RSPH14: variants seen among roughly 807,000 people sequenced by gnomAD.
RSPH14 encodes the protein rhabdoid tumor deletion region gene 1.
Under a neutral mutation model 26.7 loss-of-function variants are expected in RSPH14, and 20 were observed. The observed-to-expected ratio is 0.75, with a 90% CI of 0.53 to 1.09. The LOEUF is 1.09. Ranked by LOEUF, RSPH14 falls within the 50% of genes least tolerant of loss-of-function variation. The pLI, the probability that RSPH14 is intolerant of heterozygous loss-of-function variation, is 0.00. For missense variants in RSPH14, 449 were observed against 457.2 expected, an observed-to-expected ratio of 0.98 and a Z score of 0.16; for synonymous variants, 177 against 189.3, an observed-to-expected ratio of 0.93 and a Z score of 0.53.
chr22:23,106,402 G>A (rs529856358), intron 4 of RSPH14, among the ~76,000 whole-genome samples: 4 of 152,358 alleles, frequency 2.6e-5, no homozygotes, highest in South Asian at 2.1e-4. Flanking sequence ...AAGCCCAGCT[G>A]AGGCATGAGA....
chr22:23,078,285 G>A (rs543569169), intron 4 of RSPH14, among the ~76,000 whole-genome samples: 3 of 152,288 alleles, frequency 2.0e-5, no homozygotes, highest in Admixed American at 6.5e-5. Flanking sequence ...CTTTGTCCTC[G>A]GCCAAAATCT....
At chr22:23,177,708 G>A in the RSPH14 span, among the ~76,000 whole-genome samples, 2 of 152,184 alleles carry the variant, frequency 1.3e-5, no homozygotes, top group African/African-American at 4.8e-5. Context: ...TGTCCCACAA[G>A]GGAGAAAGCC....
chr22:23,156,029 C>T, the RSPH14 span: 4 of 1,611,744 alleles, frequency 2.5e-6, no homozygotes, highest in Non-Finnish European at 3.4e-6. Context: ...CCGGGGTGCC[C>T]AGGGTGAGCA....
intron 4 of RSPH14, chr22:23,070,506 G>GACGCC (rs1555924131): frequency 6.7e-6 from 1 of 150,306 alleles, no homozygotes; most frequent in Non-Finnish European, 1.5e-5. Flanking sequence ...CCCCGTGCTC[G>GACGCC]CCGCCCCGCC....
At chr22:23,165,691 G>A in the RSPH14 span, among the ~76,000 whole-genome samples, 752 of 152,230 alleles carry the variant, frequency 4.9e-3, 7 homozygotes, top group African/African-American at 0.017. Context: ...CTATTCTTCC[G>A]CTCCCTGCTT....
chr22:23,064,220 T>G (rs2068154794), intron 4 of RSPH14, 87 bp from the exon 5 acceptor site: 2 of 1,249,272 alleles, frequency 1.6e-6, no homozygotes, highest in Admixed American at 1.8e-5. Flanking sequence ...AAGGAGGGTC[T>G]TGCAGAACCA....
chr22:23,163,063 C>T, the RSPH14 span: 1 of 253,518 alleles, frequency 3.9e-6, no homozygotes, highest in South Asian at 4.3e-5. Flanking sequence ...AGGCATGCAC[C>T]ACCATGCCTG....
the RSPH14 span, chr22:23,159,350 C>A: frequency 1.7e-6 from 2 of 1,204,214 alleles, no homozygotes; most frequent in South Asian, 1.5e-5. Context: ...TGTAGCCAGT[C>A]GTCTGTTCCC....
chr22:23,150,055 C>T, the RSPH14 span: 3 of 1,601,210 alleles, frequency 1.9e-6, no homozygotes, highest in East Asian at 6.7e-5. Flanking sequence ...CTGTCTGTCT[C>T]TTTGCAGTGG....
chr22:23,164,532 C>T, the RSPH14 span, among the ~76,000 whole-genome samples: 1 of 152,100 alleles, frequency 6.6e-6, no homozygotes, highest in African/African-American at 2.4e-5. Context: ...GGGTGGTTTG[C>T]GCACCCTCAC....
At chr22:23,110,878 G>T (rs935058330) in intron 4 of RSPH14, among the ~76,000 whole-genome samples, 1 of 152,144 alleles carries the variant, frequency 6.6e-6, no homozygotes, top group African/African-American at 2.4e-5. Flanking sequence ...CGAGCACACG[G>T]GGCAACTCAG....
At chr22:23,078,204 C>G (rs192443339) in intron 4 of RSPH14, among the ~76,000 whole-genome samples, 2 of 152,366 alleles carry the variant, frequency 1.3e-5, no homozygotes, top group Non-Finnish European at 2.9e-5. Context: ...ACATATTTCT[C>G]GATGAAATGC....
chr22:23,154,518 C>T, the RSPH14 span, among the ~76,000 whole-genome samples: 1 of 152,188 alleles, frequency 6.6e-6, no homozygotes, highest in South Asian at 2.1e-4. Context: ...ACTGAGGGAT[C>T]CAGAGAGCTG....
In RSPH14 at chr22:23,126,637, G is replaced by T. The variant is rs147525490; in HGVS notation, c.421+7389C>A. 1.2e-3 allele frequency among the ~76,000 whole-genome samples: 177 copies of T among 152,332 alleles called. 5 individuals carry two copies. The East Asian group carries it at 0.033, about 28-fold the overall frequency. On this transcript the variant is annotated intron_variant, in intron 4 of 6. Coordinates refer to ENST00000216036, the MANE Select transcript of RSPH14 (RefSeq NM_014433.3). ...GAGAAGGCGCATGCTGAGCTGGGAT[G>T]GTCCAGGAGTCTTAGCCAACGGGAG...
chr22:23,111,957 C>A (rs899774448), intron 4 of RSPH14, among the ~76,000 whole-genome samples: 5 of 152,222 alleles, frequency 3.3e-5, no homozygotes, highest in Non-Finnish European at 7.3e-5. Context: ...AGCCAGGGAG[C>A]CTGGTGCCCA....
intron 5 of RSPH14, 123 bp downstream of exon 5, chr22:23,063,779 A>T (rs8139280): frequency 3.6e-6 from 3 of 836,844 alleles, no homozygotes; most frequent in South Asian, 3.3e-5. Context: ...GCTCCCTCCT[A>T]CCCCTGGGCA....
At chr22:23,170,941 CAGA>C in the RSPH14 span, among the ~76,000 whole-genome samples, 1 of 151,622 alleles carries the variant, frequency 6.6e-6, no homozygotes, top group Non-Finnish European at 1.5e-5. Flanking sequence ...CTGATTGGCA[CAGA>C]AGTTTTAGCC....
At chr22:23,141,114 A>C (rs940870566) in intron 1 of RSPH14, among the ~76,000 whole-genome samples, 10 of 152,144 alleles carry the variant, frequency 6.6e-5, no homozygotes, top group African/African-American at 2.4e-4. Flanking sequence ...GCGGATCACA[A>C]GGTCAAGAGA....
chr22:23,155,642 G>A, the RSPH14 span, among the ~76,000 whole-genome samples: 1 of 152,340 alleles, frequency 6.6e-6, no homozygotes, highest in East Asian at 1.9e-4. Flanking sequence ...TCTTCAGAGC[G>A]AGTCATGTCT....
Sources: gnomAD v4.1 joint callset for allele counts (sites outside exome capture counted in the v4.1 genomes callset) on GRCh38, gnomAD v4.1.1 for gene constraint, MANE v1.5 for transcripts, NCBI Gene and HGNC (gene_info 2026-07-23, HGNC 2026-07-21) for gene names.